The following RBM26 variants were observed in gnomAD, a reference collection of about 807,000 sequenced individuals.
The protein encoded by RBM26 is RNA-binding protein 26.
A neutral mutation model predicts 123.6 loss-of-function variants in RBM26; 30 were observed. The observed-to-expected ratio is 0.24, with a 90% CI of 0.18 to 0.33. The LOEUF (loss-of-function observed/expected upper bound fraction) is 0.33. Among genes scored for constraint, RBM26 ranks in the 10% least tolerant of loss-of-function variants. The probability of loss-of-function intolerance (pLI) is 1.00; values close to 1 mark genes in which losing one functional copy is unlikely to be tolerated. For missense variants in RBM26, 947 were observed against 1,203.6 expected, an observed-to-expected ratio of 0.79 and a Z score of 3.15; for synonymous variants, 400 against 404.4, an observed-to-expected ratio of 0.99 and a Z score of 0.13.
At chr13:79,317,054 A>AT (rs146122073), downstream of RBM26, among the ~76,000 whole-genome samples, 408 of 151,944 alleles carry the variant, frequency 2.7e-3, no homozygotes, top group African/African-American at 8.3e-3. Flanking sequence ...AACTGACTCT[A>AT]TCTGCATTAC....
chr13:79,361,246 C>A (rs1241503008), intron 9 of RBM26, among the ~76,000 whole-genome samples: 3 of 152,146 alleles, frequency 2.0e-5, no homozygotes, highest in Non-Finnish European at 4.4e-5. Context: ...ATATGCCATA[C>A]ATACAGAGAC....
At chr13:79,324,406 T>C (rs2068080618) in intron 20 of RBM26, among the ~76,000 whole-genome samples, 2 of 151,926 alleles carry the variant, frequency 1.3e-5, no homozygotes, top group African/African-American at 4.8e-5. Flanking sequence ...ATGAACAATC[T>C]TGTGTATTTG....
chr13:79,379,056 G>C, intron 1 of RBM26, 149 bp from the exon 2 acceptor site: 2 of 595,890 alleles, frequency 3.4e-6, no homozygotes, highest in Non-Finnish European at 3.0e-6. Flanking sequence ...AGAAATTTAA[G>C]TTCTCTTTAT....
intron 18 of RBM26, 87 bp from the exon 19 acceptor site, chr13:79,337,389 T>C (rs1197548611): frequency 1.4e-6 from 2 of 1,441,378 alleles, no homozygotes; most frequent in Non-Finnish European, 1.9e-6. Flanking sequence ...AATAAAACTT[T>C]AATGCAATTT....
intron 16 of RBM26, among the ~76,000 whole-genome samples, chr13:79,343,643 A>C (rs970119161): frequency 6.6e-6 from 1 of 151,944 alleles, no homozygotes; most frequent in African/African-American, 2.4e-5. Context: ...TCACATAAGT[A>C]ATTTTTAATT....
At chr13:79,369,365 T>C (rs1212623067) in intron 5 of RBM26, among the ~76,000 whole-genome samples, 1 of 109,162 alleles carries the variant, frequency 9.2e-6, no homozygotes, top group Non-Finnish European at 1.9e-5. Flanking sequence ...TAGTCATCCA[T>C]TTAAAGTTAC....
At chr13:79,324,534 C>T (rs2068094340) in intron 20 of RBM26, among the ~76,000 whole-genome samples, 1 of 151,418 alleles carries the variant, frequency 6.6e-6, no homozygotes, top group Non-Finnish European at 1.5e-5. Flanking sequence ...ATATTTTCCC[C>T]GATTGGATTT....
chr13:79,347,228 C>T lies in RBM26; in HGVS notation c.2059-2434G>A, dbSNP rs199631603. Among the ~76,000 whole-genome samples, 11 of 110,986 alleles carry T rather than the reference C, an allele frequency of 9.9e-5. No individual in the cohort carries two copies. In the East Asian group the frequency reaches 1.1e-3, roughly 11 times the overall value. 72.8% of individuals were successfully genotyped at this position (110,986 alleles called of 152,430 possible). Reference sequence around the variant, plus strand: ...TCCTTCTGTAAAACTAGAACATCCACGAATGTGACTCACTAAGGCTACAAC... The same window carrying T: ...TCCTTCTGTAAAACTAGAACATCCATGAATGTGACTCACTAAGGCTACAAC... On this transcript the variant is annotated intron_variant, in intron 14 of 21. Coordinates refer to ENST00000438737, the MANE Select transcript of RBM26 (RefSeq NM_001366735.2).
Position 79,371,845 on chromosome 13 carries a change from T to C in RBM26, c.413A>G (p.Asn138Ser). Reference sequence around the variant, plus strand: ...TATGGTTCAATGAACTGCTCACCTATTTTCCCTGTATCGGGAGCTTGACTG... The same window carrying C: ...TATGGTTCAATGAACTGCTCACCTACTTTCCCTGTATCGGGAGCTTGACTG... ...PPQSSSRYRE[N>S]RSRDERKKDD... The change falls in exon 4 of 22, where the codon AAT (asparagine) becomes AGT (serine). Residue 138 changes from asparagine (N) to serine (S), a missense_variant. Coordinates refer to ENST00000438737, the MANE Select transcript of RBM26 (RefSeq NM_001366735.2). 5 of 1,598,484 alleles carry C rather than the reference T, an allele frequency of 3.1e-6. No homozygotes were observed. Among genetic ancestry groups the C allele is most frequent in the Non-Finnish European group, 4.3e-6 (5 of 1,166,010 alleles).
At chr13:79,355,164 C>CCA in intron 12 of RBM26, 56 bp downstream of exon 12, 1 of 1,527,446 alleles carries the variant, frequency 6.5e-7, no homozygotes, top group Non-Finnish European at 9.0e-7. Context: ...CTCGTAAACG[C>CCA]TATGCTAAGA....
At chr13:79,367,989 C>T (rs900189018) in intron 6 of RBM26, among the ~76,000 whole-genome samples, 2 of 151,454 alleles carry the variant, frequency 1.3e-5, no homozygotes, top group African/African-American at 4.9e-5. Flanking sequence ...AAATCTTTTA[C>T]GGTAAATCCT....
At chr13:79,404,663 G>C (rs1049921844) in intron 1 of RBM26, among the ~76,000 whole-genome samples, 4 of 152,112 alleles carry the variant, frequency 2.6e-5, no homozygotes, top group African/African-American at 9.7e-5. Flanking sequence ...CCTTTTGCAA[G>C]GAATGTTCTT....
intron 6 of RBM26, among the ~76,000 whole-genome samples, chr13:79,367,615 C>T (rs553307782): frequency 5.3e-5 from 8 of 151,704 alleles, no homozygotes; most frequent in Non-Finnish European, 1.2e-4. Context: ...TGGCACCTCC[C>T]CCACCACCAA....
intron 1 of RBM26, among the ~76,000 whole-genome samples, chr13:79,395,576 CA>C (rs56278564): frequency 2.0e-5 from 3 of 149,524 alleles, no homozygotes; most frequent in South Asian, 2.1e-4. Context: ...CCCATCTCTA[CA>C]AAAAAAAATA....
In RBM26 at chr13:79,325,423, G is replaced by A. The variant is rs371299555; in HGVS notation, c.2821-2961C>T. Among the ~76,000 whole-genome samples, 42 of 152,158 alleles carry A rather than the reference G, an allele frequency of 2.8e-4. No individual in the cohort carries two copies. The South Asian group carries it at 7.5e-3, about 27-fold the overall frequency. On this transcript the variant is annotated intron_variant, in intron 20 of 21. Coordinates refer to ENST00000438737, the MANE Select transcript of RBM26 (RefSeq NM_001366735.2). ...GGGACAAGACGTAAAGGTAGAAAAC[G>A]GTGATACTGATGATTCTGACCATGT...
chr13:79,344,920 T>C (rs1383977637), intron 14 of RBM26, 126 bp from the exon 15 acceptor site: 2 of 775,086 alleles, frequency 2.6e-6, no homozygotes, highest in Non-Finnish European at 3.9e-6. Context: ...ACTAAATGTA[T>C]TTTATACTTA....
intron 16 of RBM26, 118 bp from the exon 17 acceptor site, chr13:79,342,949 G>C: frequency 1.6e-6 from 1 of 614,992 alleles, no homozygotes; most frequent in South Asian, 2.5e-5. Context: ...TTATGCATTC[G>C]TGAGAAGGCT....
At chr13:79,335,344 C>A (rs577546071) in intron 19 of RBM26, among the ~76,000 whole-genome samples, 21 of 152,144 alleles carry the variant, frequency 1.4e-4, no homozygotes, top group Non-Finnish European at 2.8e-4. Flanking sequence ...ATCTACCTCA[C>A]AGGGTTATCC....
At chr13:79,401,544 CAAT>C (rs1348426440) in intron 1 of RBM26, among the ~76,000 whole-genome samples, 1 of 152,080 alleles carries the variant, frequency 6.6e-6, no homozygotes, top group Non-Finnish European at 1.5e-5. Flanking sequence ...CTTGTAAGTA[CAAT>C]AATACAAAAT....
Sources: allele counts gnomAD v4.1 joint callset (sites outside exome capture counted in the v4.1 genomes callset), GRCh38; gene constraint gnomAD v4.1.1; transcripts MANE v1.5; gene names NCBI Gene and HGNC (gene_info 2026-07-23, HGNC 2026-07-21).